The following INSYN2A variants were observed in gnomAD, a reference collection of about 807,000 sequenced individuals.
INSYN2A encodes inhibitory synaptic factor 2A, also known as family with sequence similarity 196 member A.
A neutral mutation model predicts 39.4 loss-of-function variants in INSYN2A; 17 were observed. The observed-to-expected ratio is 0.43, with a 90% CI of 0.30 to 0.65. INSYN2A has a LOEUF of 0.65. Ranked by LOEUF, INSYN2A falls within the 30% of genes least tolerant of loss-of-function variation. The probability of loss-of-function intolerance (pLI) is 0.14; values close to 1 mark genes in which losing one functional copy is unlikely to be tolerated. For synonymous variants in INSYN2A, 255 were observed against 265.7 expected (o/e 0.96, Z 0.39); for missense variants, 595 against 631.2 (o/e 0.94, Z 0.61).
intron 5 of INSYN2A, among the ~76,000 whole-genome samples, chr10:127,141,107 T>C (rs563981784): frequency 5.4e-4 from 82 of 152,230 alleles, no homozygotes; most frequent in Non-Finnish European, 1.0e-3. Context: ...GCTCATGGCA[T>C]GGCTGGCATT....
intron 2 of INSYN2A, among the ~76,000 whole-genome samples, chr10:127,180,711 T>A (rs1451870052): frequency 1.3e-5 from 2 of 151,998 alleles, no homozygotes; most frequent in African/African-American, 4.8e-5. Flanking sequence ...ACTTAATGGC[T>A]AACAATAGGT....
chr10:127,164,993 A>G lies in INSYN2A; in HGVS notation c.1184+10219T>C, dbSNP rs145900659. Among the ~76,000 whole-genome samples, 1,113 of 152,334 alleles carry G rather than the reference A, an allele frequency of 7.3e-3. 14 individuals carry two copies. Among genetic ancestry groups the G allele is most frequent in the African/African-American group, 0.025 (1,053 of 41,570 alleles). ...CTGGAGGAGAGATAAAGCTTAAGCTATAATTTATTGAAAATTAATGAAAAT... is the reference window on the plus strand; with the variant it reads ...CTGGAGGAGAGATAAAGCTTAAGCTGTAATTTATTGAAAATTAATGAAAAT... On this transcript the variant is annotated intron_variant, in intron 4 of 5. Transcript: ENST00000522781.
intron 4 of INSYN2A, among the ~76,000 whole-genome samples, chr10:127,167,594 A>C (rs1023477178): frequency 6.6e-6 from 1 of 152,128 alleles, no homozygotes. Flanking sequence ...TTCTTGGAGC[A>C]GAAAGGAGCC....
intron 5 of INSYN2A, among the ~76,000 whole-genome samples, chr10:127,142,410 G>A (rs1243218680): frequency 6.6e-6 from 1 of 152,180 alleles, no homozygotes; most frequent in Non-Finnish European, 1.5e-5. Context: ...GAGGGATCTG[G>A]TGTTTGTAAA....
intron 5 of INSYN2A, among the ~76,000 whole-genome samples, chr10:127,145,627 T>C (rs867694008): frequency 6.6e-6 from 1 of 152,172 alleles, no homozygotes; most frequent in Non-Finnish European, 1.5e-5. Flanking sequence ...CTTGCCTGCC[T>C]GTCTCCTTTT....
chr10:127,142,415 T>G (rs2051352911), intron 5 of INSYN2A, among the ~76,000 whole-genome samples: 1 of 152,128 alleles, frequency 6.6e-6, no homozygotes, highest in South Asian at 2.1e-4. Flanking sequence ...ATCTGGTGTT[T>G]GTAAAGCATG....
chr10:127,171,190 A>G (rs2054539148), intron 4 of INSYN2A, among the ~76,000 whole-genome samples: 2 of 152,192 alleles, frequency 1.3e-5, no homozygotes, highest in Non-Finnish European at 2.9e-5. Flanking sequence ...AAATCTACAT[A>G]AGCAAATGAA....
chr10:127,159,952 C>T (rs531200836), intron 4 of INSYN2A, among the ~76,000 whole-genome samples: 1 of 152,188 alleles, frequency 6.6e-6, no homozygotes, highest in South Asian at 2.1e-4. Flanking sequence ...GTCAGCAGGG[C>T]CCTGGGTGTT....
chr10:127,190,668 C>T (rs1346276941), intron 2 of INSYN2A, among the ~76,000 whole-genome samples: 1 of 12,376 alleles, frequency 8.1e-5, no homozygotes, highest in Non-Finnish European at 1.6e-4. Flanking sequence ...CCTATCTTCC[C>T]CCCCCCCCCC....
chr10:127,170,117 T>G (rs569871043), intron 4 of INSYN2A, among the ~76,000 whole-genome samples: 2 of 151,978 alleles, frequency 1.3e-5, no homozygotes, highest in East Asian at 3.9e-4. Flanking sequence ...ACTGCCCCCA[T>G]GATGGGGTGG....
At chr10:127,142,199 C>T (rs777283532) in intron 5 of INSYN2A, among the ~76,000 whole-genome samples, 36 of 152,194 alleles carry the variant, frequency 2.4e-4, no homozygotes, top group Non-Finnish European at 4.1e-4. Context: ...GCTGTGTGCA[C>T]CTGCTTTCCC....
intron 5 of INSYN2A, among the ~76,000 whole-genome samples, chr10:127,146,734 A>G (rs2051895725): frequency 1.3e-5 from 2 of 152,208 alleles, no homozygotes; most frequent in Admixed American, 1.3e-4. Flanking sequence ...TGGTCATTGA[A>G]GCAGGGCTGG....
At chr10:127,184,361 G>A (rs530412610) in intron 2 of INSYN2A, among the ~76,000 whole-genome samples, 4 of 131,820 alleles carry the variant, frequency 3.0e-5, no homozygotes, top group Non-Finnish European at 4.6e-5. Flanking sequence ...TGCCCTATTC[G>A]TTTTTGTTTT....
At chr10:127,183,527 T>C (rs1355070639) in intron 2 of INSYN2A, among the ~76,000 whole-genome samples, 1 of 152,212 alleles carries the variant, frequency 6.6e-6, no homozygotes, top group Admixed American at 6.5e-5. Flanking sequence ...CCTAAGCTGA[T>C]AGCCAAATGT....
chr10:127,166,093 T>C (rs1420175022), intron 4 of INSYN2A, among the ~76,000 whole-genome samples: 3 of 151,618 alleles, frequency 2.0e-5, no homozygotes, highest in Non-Finnish European at 4.4e-5. Context: ...TGAGACAGAG[T>C]CTCGCTCTGT....
chr10:127,162,139 T>G (rs1345765677), intron 4 of INSYN2A, among the ~76,000 whole-genome samples: 1 of 152,222 alleles, frequency 6.6e-6, no homozygotes, highest in Non-Finnish European at 1.5e-5. Context: ...CAGATATATG[T>G]CAGGTGGTAA....
chr10:127,147,169 C>T (rs1320986157), intron 5 of INSYN2A, among the ~76,000 whole-genome samples: 1 of 152,150 alleles, frequency 6.6e-6, no homozygotes, highest in Non-Finnish European at 1.5e-5. Context: ...AAGGAACTTG[C>T]CTTCTTTTGG....
chr10:127,183,994 C>T (rs56177306), intron 2 of INSYN2A, among the ~76,000 whole-genome samples: 14,221 of 152,076 alleles, frequency 0.094, 1,937 homozygotes, highest in African/African-American at 0.3. Context: ...CTAATGTCTT[C>T]GAAGGTTTAT....
chr10:127,175,975 T>C lies in INSYN2A; in HGVS notation c.421A>G (p.Asn141Asp), dbSNP rs1246846416. 1.2e-6 allele frequency: 2 copies of C among 1,614,162 alleles called. No individual in the cohort carries two copies. Among genetic ancestry groups the C allele is most frequent in the East Asian group, 4.5e-5 (2 of 44,874 alleles). Residue 141 changes from asparagine to aspartate, a missense_variant, in exon 4 of 6, where the codon AAT becomes GAT. By Grantham distance (23) the Asn-to-Asp change is conservative (BLOSUM62 1). Coordinates refer to ENST00000522781, the MANE Select transcript of INSYN2A (RefSeq NM_001039762.3). This position sits in a 1 kb window ranked among gnomAD's most constrained non-coding sequence, Gnocchi z 6.3. ...TCTTTCGCATCTGTTAGAAACCCAT[T>C]GTTTTGGCTTTTAAAGGGATCTGCA... ...PAADPFKSQN[N>D]GFLTDAKEKN...
Sources: gnomAD v4.1 joint callset for allele counts (sites outside exome capture counted in the v4.1 genomes callset) on GRCh38, gnomAD v4.1.1 for gene constraint, Gnocchi (gnomAD v3.1) non-coding constraint, MANE v1.5 for transcripts, NCBI Gene and HGNC (gene_info 2026-07-23, HGNC 2026-07-21) for gene names.